Variants in RABGAP1L observed in about 807,000 individuals in gnomAD.
The protein encoded by RABGAP1L is RAB GTPase activating protein 1 like, also known as rab GTPase-activating protein 1-like.
RABGAP1L carries 63 observed loss-of-function variants against 137.7 expected under a neutral mutation model. The ratio of observed to expected loss-of-function variants is 0.46; its 90% confidence interval spans 0.37 to 0.56. RABGAP1L has a LOEUF of 0.56. Ranked by LOEUF, RABGAP1L falls within the 20% of genes least tolerant of loss-of-function variation. The pLI, the probability that RABGAP1L is intolerant of heterozygous loss-of-function variation, is 0.00. For synonymous variants in RABGAP1L, 431 were observed against 433.7 expected (o/e 0.99, Z 0.08); for missense variants, 1,095 against 1,244.0 (o/e 0.88, Z 1.80).
rs1203381064 is a variant in RABGAP1L, at chr1:174,631,794, C to T, written c.1711-5581C>T. The stretch of plus-strand genomic sequence containing the variant: ...TTTTGAGCCTATGTATGTCTCTGCA[C>T]GTGAGATGGGTTTCCTGAATACAGC... On this transcript the variant is annotated intron_variant, in intron 13 of 25. Coordinates refer to ENST00000681986, the MANE Select transcript of RABGAP1L (RefSeq NM_001366446.1). Among the ~76,000 whole-genome samples, 28 of 150,572 alleles carry T rather than the reference C, an allele frequency of 1.9e-4. 1 individual carries two copies. The highest frequency in any genetic ancestry group is 1.2e-3 in the Admixed American group (18 of 15,036).
At chr1:174,613,327 TCAGGAG>T (rs1311498664) in intron 13 of RABGAP1L, among the ~76,000 whole-genome samples, 1 of 152,200 alleles carries the variant, frequency 6.6e-6, no homozygotes, top group Non-Finnish European at 1.5e-5. Context: ...CAGTAGTCAT[TCAGGAG>T]CAGGTTGTTC....
At chr1:174,222,756 AGAAAT>A (rs1258646554) in intron 3 of RABGAP1L, among the ~76,000 whole-genome samples, 1 of 152,230 alleles carries the variant, frequency 6.6e-6, no homozygotes, top group African/African-American at 2.4e-5. Flanking sequence ...GACAGGAAAA[AGAAAT>A]GAAGTGTGAT....
At chr1:174,923,878 CAAAA>C in intron 19 of RABGAP1L, among the ~76,000 whole-genome samples, 1 of 87,270 alleles carries the variant, frequency 1.1e-5, no homozygotes. Context: ...GAGACTGTCT[CAAAA>C]AAAAAAAAAA....
At chr1:174,440,026 T>C (rs926860560) in intron 13 of RABGAP1L, among the ~76,000 whole-genome samples, 1 of 152,168 alleles carries the variant, frequency 6.6e-6, no homozygotes, top group African/African-American at 2.4e-5. Context: ...GACCTAAAGA[T>C]TGCATCTGAA....
intron 23 of RABGAP1L, among the ~76,000 whole-genome samples, chr1:174,982,437 T>G (rs958688719): frequency 9.9e-5 from 15 of 152,248 alleles, no homozygotes; most frequent in African/African-American, 3.6e-4. Context: ...TCTGTGACAG[T>G]AGAAAGGAGA....
intron 14 of RABGAP1L, among the ~76,000 whole-genome samples, chr1:174,662,287 A>G (rs894117501): frequency 4.6e-5 from 7 of 152,024 alleles, no homozygotes; most frequent in Non-Finnish European, 1.0e-4. Context: ...TATTTGTAGT[A>G]GAGACGGGGT....
chr1:174,306,334 C>T (rs557543195), intron 11 of RABGAP1L, among the ~76,000 whole-genome samples: 35 of 152,248 alleles, frequency 2.3e-4, no homozygotes, highest in Non-Finnish European at 3.8e-4. Context: ...CTTGAGGAAT[C>T]ACCACACTGT....
intron 14 of RABGAP1L, among the ~76,000 whole-genome samples, chr1:174,668,551 G>A (rs1325751134): frequency 6.6e-6 from 1 of 152,052 alleles, no homozygotes; most frequent in Non-Finnish European, 1.5e-5. Context: ...TGGCTATTGG[G>A]AATAGTGTTA....
chr1:174,534,132 C>CTGTGTGTGTG lies in RABGAP1L; in HGVS notation c.1711-103201_1711-103192dup, dbSNP rs35255973. 1.2e-3 allele frequency among the ~76,000 whole-genome samples: 155 copies of CTGTGTGTGTG among 132,622 alleles called. 1 individual carries two copies. The highest frequency in any genetic ancestry group is 7.4e-3 in the Middle Eastern group (2 of 272). The allele number at this position is 132,622 out of a possible 152,430, so 87.0% of individuals were successfully genotyped here. On this transcript the variant is annotated intron_variant, in intron 13 of 25. Coordinates refer to ENST00000681986, the MANE Select transcript of RABGAP1L (RefSeq NM_001366446.1). ...CTCCTGCATTGTTCAGAGGTCAACT[C>CTGTGTGTGTG]TGTGTGTGTGTGTGTGTGTGTGTGT...
At chr1:174,676,516 C>A (rs894574869) in intron 14 of RABGAP1L, among the ~76,000 whole-genome samples, 1 of 152,120 alleles carries the variant, frequency 6.6e-6, no homozygotes, top group African/African-American at 2.4e-5. Context: ...ATTGAAGCAG[C>A]CGATCAAATA....
intron 19 of RABGAP1L, among the ~76,000 whole-genome samples, chr1:174,855,637 C>T (rs1394937751): frequency 2.0e-5 from 3 of 152,172 alleles, no homozygotes; most frequent in African/African-American, 4.8e-5. Flanking sequence ...CATTCCACTT[C>T]TATGGGCCTC....
At position 174,365,603 on chromosome 1, in the gene RABGAP1L, G is replaced by A. The variant is rs532734243; in HGVS notation, c.1466-5376G>A. Among the ~76,000 whole-genome samples, 37 of 152,206 alleles carry A rather than the reference G, an allele frequency of 2.4e-4. No individual in the cohort carries two copies. In the South Asian group the frequency reaches 6.8e-3, roughly 28 times the overall value. The stretch of plus-strand genomic sequence containing the variant: ...TGAACCTAGGATGGCTCTATCCTCC[G>A]CTGTGACAGGGCAGCAGTGAATTCA... On this transcript the variant is annotated intron_variant, in intron 11 of 25. Transcript: ENST00000681986.
At chr1:174,173,623 T>G (rs953523409) in intron 1 of RABGAP1L, among the ~76,000 whole-genome samples, 1 of 152,236 alleles carries the variant, frequency 6.6e-6, no homozygotes, top group Admixed American at 6.5e-5. Context: ...TTATGGCTTT[T>G]TATACAGTTG....
chr1:174,642,466 T>A (rs1674604080), intron 14 of RABGAP1L, among the ~76,000 whole-genome samples: 1 of 152,138 alleles, frequency 6.6e-6, no homozygotes, highest in African/African-American at 2.4e-5. Context: ...TTATATTGCT[T>A]TCTAGACATA....
At chr1:174,606,306 T>A (rs1670790310) in intron 13 of RABGAP1L, among the ~76,000 whole-genome samples, 1 of 152,208 alleles carries the variant, frequency 6.6e-6, no homozygotes, top group South Asian at 2.1e-4. Context: ...CCTGAATTCA[T>A]AGCTGTATAT....
chr1:174,476,959 A>G (rs1658568878), intron 13 of RABGAP1L, among the ~76,000 whole-genome samples: 2 of 152,142 alleles, frequency 1.3e-5, no homozygotes, highest in East Asian at 1.9e-4. Flanking sequence ...TGTGTTCTTC[A>G]TTAAATTTAA....
At chr1:174,567,831 A>T (rs1001458474) in intron 13 of RABGAP1L, among the ~76,000 whole-genome samples, 1 of 152,286 alleles carries the variant, frequency 6.6e-6, no homozygotes, top group Non-Finnish European at 1.5e-5. Context: ...AATAAGAAAG[A>T]TGTCACACTG....
intron 19 of RABGAP1L, among the ~76,000 whole-genome samples, chr1:174,832,415 T>A (rs1412620116): frequency 6.7e-6 from 1 of 148,400 alleles, no homozygotes; most frequent in East Asian, 2.1e-4. Context: ...TTGCCTTTAA[T>A]GCCTGGAGAT....
chr1:174,721,584 C>T (rs1681542629), intron 17 of RABGAP1L, among the ~76,000 whole-genome samples: 1 of 152,206 alleles, frequency 6.6e-6, no homozygotes, highest in Non-Finnish European at 1.5e-5. Flanking sequence ...ATTGGTTTCA[C>T]AGCAGTGTTG....
Sources: gnomAD v4.1 joint callset for allele counts (sites outside exome capture counted in the v4.1 genomes callset) on GRCh38, gnomAD v4.1.1 for gene constraint, MANE v1.5 for transcripts, NCBI Gene and HGNC (gene_info 2026-07-23, HGNC 2026-07-21) for gene names.